SGCD: variants seen among roughly 807,000 people sequenced by gnomAD.
SGCD encodes delta-sarcoglycan.
A neutral mutation model predicts 36.6 loss-of-function variants in SGCD; 18 were observed. That is an observed-to-expected ratio of 0.49 (90% CI 0.34 to 0.73). The LOEUF (loss-of-function observed/expected upper bound fraction) is 0.73. Among genes scored for constraint, SGCD ranks in the 30% least tolerant of loss-of-function variants. The pLI is 0.01. For missense variants in SGCD, 387 were observed against 346.7 expected (o/e 1.12, Z -0.92); for synonymous variants, 133 against 130.6 (o/e 1.02, Z -0.12).
chr5:156,606,185 C>T (rs1300628818), intron 6 of SGCD, among the ~76,000 whole-genome samples: 6 of 152,218 alleles, frequency 3.9e-5, no homozygotes, highest in South Asian at 4.1e-4. Context: ...TTAGGTCTAA[C>T]ATTTAAGTCT....
chr5:156,272,761 T>C (rs1581210254), intron 3 of SGCD, among the ~76,000 whole-genome samples: 1 of 152,230 alleles, frequency 6.6e-6, no homozygotes, highest in African/African-American at 2.4e-5. Context: ...TAACACCAGT[T>C]ATCTTTTAGA....
chr5:156,736,471 G>A (rs575085024), intron 7 of SGCD, among the ~76,000 whole-genome samples: 8 of 147,498 alleles, frequency 5.4e-5, no homozygotes, highest in African/African-American at 2.2e-4. Context: ...TTTTGAAGCT[G>A]AACAGAAGAG....
intron 4 of SGCD, among the ~76,000 whole-genome samples, chr5:156,572,640 C>T (rs1254127873): frequency 6.6e-6 from 1 of 151,958 alleles, no homozygotes; most frequent in Non-Finnish European, 1.5e-5. Context: ...AATGAAGCAC[C>T]CATAAGCCAA....
intron 7 of SGCD, among the ~76,000 whole-genome samples, chr5:156,731,098 T>G (rs2113806497): frequency 6.6e-6 from 1 of 152,230 alleles, no homozygotes; most frequent in Non-Finnish European, 1.5e-5. Flanking sequence ...GAGGTTTTTT[T>G]GCATCTGACA....
intron 1 of SGCD, among the ~76,000 whole-genome samples, chr5:155,900,238 C>T (rs1199923544): frequency 6.6e-6 from 1 of 152,110 alleles, no homozygotes; most frequent in Admixed American, 6.6e-5. Flanking sequence ...ATTAATTAAA[C>T]TTTTCTACAA....
intron 7 of SGCD, among the ~76,000 whole-genome samples, chr5:156,714,971 T>TA (rs1355046646): frequency 3.9e-5 from 6 of 152,240 alleles, no homozygotes; most frequent in African/African-American, 1.4e-4. Context: ...AGCACTGTTC[T>TA]ACCGTTGACT....
At chr5:156,529,003 C>G (rs1757763717) in intron 4 of SGCD, among the ~76,000 whole-genome samples, 1 of 152,090 alleles carries the variant, frequency 6.6e-6, no homozygotes, top group African/African-American at 2.4e-5. Context: ...AAATGCATAC[C>G]AGAGTCCACT....
chr5:155,865,368 A>G (rs993637429), upstream of SGCD, among the ~76,000 whole-genome samples: 1 of 152,116 alleles, frequency 6.6e-6, no homozygotes, highest in Admixed American at 6.6e-5. Flanking sequence ...ATCTACTTCA[A>G]CTTTCAATTT....
chr5:156,412,197 C>T (rs1335841246), intron 3 of SGCD, among the ~76,000 whole-genome samples: 1 of 152,204 alleles, frequency 6.6e-6, no homozygotes, highest in African/African-American at 2.4e-5. Context: ...TGGCCACATC[C>T]TACCTGGGTG....
chr5:156,157,299 GA>G (rs1208113382), intron 3 of SGCD, among the ~76,000 whole-genome samples: 2 of 151,714 alleles, frequency 1.3e-5, no homozygotes, highest in Admixed American at 6.6e-5. Flanking sequence ...CTATGGGCAT[GA>G]GTATTACTTT....
intron 3 of SGCD, among the ~76,000 whole-genome samples, chr5:156,244,030 G>A (rs747129411): frequency 2.8e-4 from 42 of 152,140 alleles, no homozygotes; most frequent in Non-Finnish European, 4.0e-4. Context: ...CAGTGAAGAA[G>A]CCCTGCAGAA....
the SGCD span, among the ~76,000 whole-genome samples, chr5:155,802,214 A>G: frequency 2.6e-5 from 4 of 152,200 alleles, no homozygotes; most frequent in Non-Finnish European, 4.4e-5. Context: ...CAGCCATCTC[A>G]GCCATATCCA....
At chr5:156,002,650 C>T (rs1356913240) in intron 1 of SGCD, among the ~76,000 whole-genome samples, 1 of 152,214 alleles carries the variant, frequency 6.6e-6, no homozygotes, top group African/African-American at 2.4e-5. Flanking sequence ...GGTATGCCTT[C>T]TGTGTTCACA....
At chr5:156,706,597 T>C (rs931074189) in intron 7 of SGCD, among the ~76,000 whole-genome samples, 18 of 152,134 alleles carry the variant, frequency 1.2e-4, no homozygotes, top group African/African-American at 3.4e-4. Flanking sequence ...CCATTTCTTC[T>C]TGAAATCTTG....
chr5:156,153,289 T>C (rs1412034596), intron 3 of SGCD, among the ~76,000 whole-genome samples: 1 of 151,320 alleles, frequency 6.6e-6, no homozygotes, highest in Non-Finnish European at 1.5e-5. Context: ...AGGACTTTGG[T>C]TCTCTTGATG....
chr5:156,640,601 C>A (rs1762992552), intron 6 of SGCD, among the ~76,000 whole-genome samples: 1 of 152,152 alleles, frequency 6.6e-6, no homozygotes, highest in African/African-American at 2.4e-5. Flanking sequence ...TTACAACAGG[C>A]AGAATGGCTG....
At chr5:156,048,185 G>C (rs753187421) in intron 1 of SGCD, among the ~76,000 whole-genome samples, 9 of 152,128 alleles carry the variant, frequency 5.9e-5, no homozygotes, top group Non-Finnish European at 1.2e-4. Context: ...GTATTCCATG[G>C]TGTATATGTG....
chr5:156,521,124 G>A (rs866480513), intron 4 of SGCD, among the ~76,000 whole-genome samples: 3 of 151,558 alleles, frequency 2.0e-5, no homozygotes, highest in Non-Finnish European at 4.4e-5. Flanking sequence ...TTAATAAAAC[G>A]GGAGCTGACA....
At chr5:156,669,821 A>G (rs187386281) in intron 7 of SGCD, among the ~76,000 whole-genome samples, 228 of 152,318 alleles carry the variant, frequency 1.5e-3, no homozygotes, top group African/African-American at 4.9e-3. Flanking sequence ...ACTGTGATCC[A>G]TAACTGATGC....
Sources: gnomAD v4.1 joint callset for allele counts (sites outside exome capture counted in the v4.1 genomes callset) on GRCh38, gnomAD v4.1.1 for gene constraint, MANE v1.5 for transcripts, NCBI Gene and HGNC (gene_info 2026-07-23, HGNC 2026-07-21) for gene names.